Variants in NLGN4X observed in about 807,000 individuals in gnomAD.
NLGN4X encodes neuroligin-4, X-linked.
In NLGN4X, 3 loss-of-function variants were observed where a neutral mutation model predicts 40.3. The ratio of observed to expected loss-of-function variants is 0.07; its 90% CI spans 0.03 to 0.19. The LOEUF is 0.19. NLGN4X is among the 10% of genes least tolerant of loss of function. The probability of loss-of-function intolerance (pLI) is 1.00; values close to 1 mark genes in which losing one functional copy is unlikely to be tolerated. For synonymous variants in NLGN4X, 270 were observed against 306.8 expected, an observed-to-expected ratio of 0.88 and a Z score of 1.25; for missense variants, 382 against 708.3, an observed-to-expected ratio of 0.54 and a Z score of 5.23.
At chrX:6,119,677 T>C (rs1310678610) in intron 2 of NLGN4X, among the ~76,000 whole-genome samples, 1 of 111,130 alleles carries the variant, frequency 9.0e-6, no homozygotes, top group African/African-American at 3.3e-5. Context: ...GGCCCCATGT[T>C]CCCAAATCTT....
At chrX:5,942,608 TCATGCCACTGCACTC>T (rs1166012852) in intron 3 of NLGN4X, among the ~76,000 whole-genome samples, 1 of 107,998 alleles carries the variant, frequency 9.3e-6, no homozygotes, top group African/African-American at 3.4e-5. Flanking sequence ...TGGGCCGAGA[TCATGCCACTGCACTC>T]CTGCCTGGGA....
rs56353701 is a variant in NLGN4X, at chrX:6,030,392, A to ATTGTGTGTGTGTGTGTGTGTGTGTGTGTG, written c.473-961_473-960insCACACACACACACACACACACACACACAA. On this transcript the variant is annotated intron_variant, in intron 2 of 5. Coordinates refer to ENST00000381095, the MANE Select transcript of NLGN4X (RefSeq NM_181332.3). Reference sequence around the variant, plus strand: ...CACGTATAAATATTTCTGGATACAGATATGTGTGTGTGTGTGTGTGTGTGT... The same window carrying ATTGTGTGTGTGTGTGTGTGTGTGTGTGTG: ...CACGTATAAATATTTCTGGATACAGATTGTGTGTGTGTGTGTGTGTGTGTGTGTGTATGTGTGTGTGTGTGTGTGTGTGT... Among the ~76,000 whole-genome samples the ATTGTGTGTGTGTGTGTGTGTGTGTGTGTG allele has an allele frequency of 1.0e-3, 68 of 68,293 alleles. 1 individual carries two copies. Among genetic ancestry groups the ATTGTGTGTGTGTGTGTGTGTGTGTGTGTG allele is most frequent in the East Asian group, 7.7e-3 (20 of 2,581 alleles). The allele number at this position is 68,293 out of a possible 115,157, so 59.3% of individuals were successfully genotyped here.
chrX:6,151,239 G>A lies in NLGN4X; in HGVS notation c.228C>T (p.Val76=), dbSNP rs986817660. ...ILGPVEQYLG[V]PYASPPTGER... ...CTCCAGTGGGGGGTGAGGCATAGGG[G>A]ACCCCTAAGTACTGCTCCACTGGAC... The change falls in exon 2 of 6, where the codon GTC becomes GTT. Residue 76 remains valine, a synonymous_variant. Coordinates refer to ENST00000381095, the MANE Select transcript of NLGN4X (RefSeq NM_181332.3). 1.7e-6 allele frequency: 2 copies of A among 1,211,181 alleles called. No individual in the cohort carries two copies.
intron 1 of NLGN4X, among the ~76,000 whole-genome samples, chrX:6,212,750 GAGAGTTTCTCTA>G (rs1924728431): frequency 8.9e-6 from 1 of 111,976 alleles, no homozygotes. Context: ...CAGCAGGGCT[GAGAGTTTCTCTA>G]AGAGTCATTT....
intron 2 of NLGN4X, among the ~76,000 whole-genome samples, chrX:6,042,032 G>A (rs1368502901): frequency 1.8e-5 from 2 of 112,121 alleles, no homozygotes; most frequent in Non-Finnish European, 3.8e-5. Context: ...TAAGAATTCT[G>A]CCATTTGTCA....
At chrX:6,163,396 T>G (rs943054497) in intron 1 of NLGN4X, among the ~76,000 whole-genome samples, 1 of 112,222 alleles carries the variant, frequency 8.9e-6, no homozygotes, top group African/African-American at 3.2e-5. Context: ...CAAGTACCCA[T>G]CCTCAAGTAG....
At position 5,891,526 on chromosome X, in the gene NLGN4X, A is replaced by G; in HGVS notation, c.*1291T>C. ...AAGCTGAGCAGGTACTTCATCGGCC[A>G]AACCCTCCCGCAGCTGCTAGGGAAC... On this transcript the variant is annotated 3_prime_UTR_variant, in exon 6 of 6. Coordinates refer to ENST00000381095, the MANE Select transcript of NLGN4X (RefSeq NM_181332.3). 2 of 292,212 alleles carry G rather than the reference A, an allele frequency of 6.8e-6. No individual in the cohort carries two copies. Among genetic ancestry groups the G allele is most frequent in the South Asian group, 6.5e-5 (2 of 30,536 alleles). 24.1% of individuals were successfully genotyped at this position (292,212 alleles called of 1,213,427 possible).
chrX:6,164,026 A>C (rs2040452015), intron 1 of NLGN4X, among the ~76,000 whole-genome samples: 1 of 113,000 alleles, frequency 8.8e-6, no homozygotes, highest in Non-Finnish European at 1.9e-5. Context: ...CCACAACCAC[A>C]GAAGATGAGC....
At chrX:5,901,328 C>T (rs904661363) in intron 5 of NLGN4X, among the ~76,000 whole-genome samples, 44 of 112,022 alleles carry the variant, frequency 3.9e-4, no homozygotes, top group Admixed American at 1.9e-4. Context: ...TCATTCCGCA[C>T]GGGAAGATTT....
At chrX:6,146,361 T>C (rs1272562937) in intron 2 of NLGN4X, among the ~76,000 whole-genome samples, 2 of 111,962 alleles carry the variant, frequency 1.8e-5, no homozygotes, top group Non-Finnish European at 3.8e-5. Context: ...CTTAACAGCT[T>C]CCATCAAGTT....
intron 1 of NLGN4X, among the ~76,000 whole-genome samples, chrX:6,216,190 T>C (rs1925076046): frequency 9.0e-6 from 1 of 111,548 alleles, no homozygotes; most frequent in South Asian, 3.8e-4. Flanking sequence ...GAAGAGAGAA[T>C]TTTTTTCCTG....
intron 3 of NLGN4X, among the ~76,000 whole-genome samples, chrX:6,011,628 G>C (rs2036255001): frequency 9.0e-6 from 1 of 110,566 alleles, no homozygotes; most frequent in African/African-American, 3.3e-5. Context: ...TATAATCCAT[G>C]GCCTAAAATT....
At chrX:5,934,100 C>A (rs964330116) in intron 3 of NLGN4X, among the ~76,000 whole-genome samples, 1 of 111,616 alleles carries the variant, frequency 9.0e-6, no homozygotes, top group African/African-American at 3.3e-5. Context: ...CTCTGTTTCT[C>A]TGAGTTTGAC....
At chrX:5,909,810 G>C (rs1480992411) in intron 3 of NLGN4X, among the ~76,000 whole-genome samples, 1 of 111,054 alleles carries the variant, frequency 9.0e-6, no homozygotes, top group African/African-American at 3.3e-5. Context: ...GACTCCACTA[G>C]ATCCGACTCG....
intron 1 of NLGN4X, among the ~76,000 whole-genome samples, chrX:6,174,316 T>C (rs146585160): frequency 6.3e-4 from 71 of 111,921 alleles, no homozygotes; most frequent in African/African-American, 2.0e-3. Context: ...GGAACACTTA[T>C]ACATTCTTGC....
chrX:6,043,220 T>G (rs1012706119), intron 2 of NLGN4X, among the ~76,000 whole-genome samples: 1 of 108,977 alleles, frequency 9.2e-6, no homozygotes, highest in Non-Finnish European at 1.9e-5. Context: ...GTTATTAGGT[T>G]TTTAACACAA....
At chrX:5,955,700 A>C (rs1399833517) in intron 3 of NLGN4X, among the ~76,000 whole-genome samples, 1 of 110,038 alleles carries the variant, frequency 9.1e-6, no homozygotes, top group Non-Finnish European at 1.9e-5. Context: ...GCATTGTATG[A>C]CATTACCCCA....
Position 6,151,680 on chromosome X carries a change from T to C in NLGN4X, c.-214A>G. The stretch of plus-strand genomic sequence containing the variant: ...CAAGGAGGCAGCCCTCCCTTAATCC[T>C]GAAACTGGATTCCAGCAACTGCAAT... On this transcript the variant is annotated 5_prime_UTR_variant, in exon 2 of 6. Transcript: ENST00000381095. The C allele has an allele frequency of 6.9e-6, 3 of 434,166 alleles. No homozygotes were observed. Among genetic ancestry groups the C allele is most frequent in the Admixed American group, 7.8e-5 (2 of 25,549 alleles). 35.8% of individuals were successfully genotyped at this position (434,166 alleles called of 1,213,427 possible).
chrX:6,128,109 G>T (rs374962758), intron 2 of NLGN4X, among the ~76,000 whole-genome samples: 20 of 111,035 alleles, frequency 1.8e-4, no homozygotes, highest in African/African-American at 6.2e-4. Flanking sequence ...GCACCACTGT[G>T]TCTGGCTTAT....
Sources: gnomAD v4.1 joint callset for allele counts (sites outside exome capture counted in the v4.1 genomes callset) on GRCh38, gnomAD v4.1.1 for gene constraint, MANE v1.5 for transcripts, NCBI Gene and HGNC (gene_info 2026-07-23, HGNC 2026-07-21) for gene names.